CABCOCO1: variants seen among roughly 807,000 people sequenced by gnomAD.
The protein encoded by CABCOCO1 is ciliary associated calcium binding coiled-coil 1.
CABCOCO1 carries 28 observed loss-of-function variants against 35.7 expected under a neutral mutation model. The observed-to-expected ratio is 0.78, with a 90% CI of 0.58 to 1.07. CABCOCO1 has a LOEUF of 1.07. CABCOCO1 is among the 50% of genes least tolerant of loss of function. The pLI is 0.00. For missense variants in CABCOCO1, 326 were observed against 309.2 expected (o/e 1.05, Z -0.41); for synonymous variants, 95 against 100.1 (o/e 0.95, Z 0.30).
chr10:61,751,181 C>T (rs1362540267), intron 5 of CABCOCO1, among the ~76,000 whole-genome samples: 1 of 146,930 alleles, frequency 6.8e-6, no homozygotes, highest in Non-Finnish European at 1.5e-5. Context: ...CCACCCCTTG[C>T]TTTGCTTCGC....
At chr10:61,714,687 G>A (rs557774922) in intron 5 of CABCOCO1, among the ~76,000 whole-genome samples, 1 of 152,262 alleles carries the variant, frequency 6.6e-6, no homozygotes, top group East Asian at 1.9e-4. Flanking sequence ...CTTTAAATGT[G>A]TCCTAGAGAT....
chr10:61,665,648 G>A (rs1839142950), intron 1 of CABCOCO1, among the ~76,000 whole-genome samples: 1 of 152,042 alleles, frequency 6.6e-6, no homozygotes, highest in African/African-American at 2.4e-5. Context: ...AGCACTTTGG[G>A]AGGCCGAGGC....
chr10:61,725,678 C>T (rs1221010220), intron 5 of CABCOCO1, among the ~76,000 whole-genome samples: 1 of 151,978 alleles, frequency 6.6e-6, no homozygotes, highest in East Asian at 1.9e-4. Context: ...TTAATGGGTG[C>T]AGCACACCAA....
intron 5 of CABCOCO1, among the ~76,000 whole-genome samples, chr10:61,752,868 T>G (rs552966047): frequency 6.6e-6 from 1 of 152,320 alleles, no homozygotes; most frequent in East Asian, 1.9e-4. Flanking sequence ...GGGACTGAAG[T>G]GCAGTTCAAT....
chr10:61,754,250 A>G (rs906074172), intron 5 of CABCOCO1, among the ~76,000 whole-genome samples: 1 of 152,170 alleles, frequency 6.6e-6, no homozygotes, highest in African/African-American at 2.4e-5. Context: ...AGTTAGGAAT[A>G]GAGCCAAGTC....
intron 5 of CABCOCO1, among the ~76,000 whole-genome samples, chr10:61,742,916 G>A (rs188516154): frequency 1.1e-3 from 160 of 152,268 alleles, no homozygotes; most frequent in African/African-American, 3.8e-3. Flanking sequence ...AAGGCACTGT[G>A]AGCAAAAATA....
At chr10:61,739,729 T>A in intron 5 of CABCOCO1, among the ~76,000 whole-genome samples, 1 of 151,798 alleles carries the variant, frequency 6.6e-6, no homozygotes, top group East Asian at 1.9e-4. Flanking sequence ...AGGCACGAGG[T>A]CAGGAGATCG....
At chr10:61,760,294 C>T in intron 6 of CABCOCO1, 113 bp downstream of exon 6, 1 of 1,351,662 alleles carries the variant, frequency 7.4e-7, no homozygotes, top group Non-Finnish European at 1.0e-6. Flanking sequence ...TTTTTCCCAA[C>T]CAAATACAAA....
chr10:61,686,242 T>A, intron 4 of CABCOCO1, 57 bp downstream of exon 4: 1 of 1,412,430 alleles, frequency 7.1e-7, no homozygotes, highest in Non-Finnish European at 9.5e-7. Flanking sequence ...GGAAAATGTC[T>A]GTTAAGTAAA....
At chr10:61,742,048 G>C (rs1224684824) in intron 5 of CABCOCO1, among the ~76,000 whole-genome samples, 1 of 152,168 alleles carries the variant, frequency 6.6e-6, no homozygotes, top group Admixed American at 6.5e-5. Context: ...CATGGAACAG[G>C]ATAGTGGCGT....
intron 5 of CABCOCO1, among the ~76,000 whole-genome samples, chr10:61,709,242 C>A (rs909459286): frequency 6.6e-6 from 1 of 152,014 alleles, no homozygotes; most frequent in Non-Finnish European, 1.5e-5. Flanking sequence ...AAAAGAGGCT[C>A]CCCAAATCCT....
chr10:61,761,487 G>A (rs564297259), intron 7 of CABCOCO1, among the ~76,000 whole-genome samples: 12 of 152,146 alleles, frequency 7.9e-5, no homozygotes, highest in South Asian at 2.1e-4. Flanking sequence ...TGAACATGGT[G>A]ATGGCAGCAG....
At chr10:61,668,000 T>C (rs897947915) in intron 1 of CABCOCO1, among the ~76,000 whole-genome samples, 3 of 151,938 alleles carry the variant, frequency 2.0e-5, no homozygotes, top group Non-Finnish European at 4.4e-5. Context: ...CAATATGATT[T>C]TGGCAAATAG....
chr10:61,674,111 T>C (rs962598502), intron 2 of CABCOCO1, among the ~76,000 whole-genome samples: 1 of 152,198 alleles, frequency 6.6e-6, no homozygotes, highest in Middle Eastern at 3.2e-3. Flanking sequence ...TAATATTAAA[T>C]AAAAGGTGTT....
At chr10:61,663,823 A>T (rs1028708089) in intron 1 of CABCOCO1, among the ~76,000 whole-genome samples, 9 of 71,256 alleles carry the variant, frequency 1.3e-4, no homozygotes, top group Non-Finnish European at 2.8e-4. Context: ...GCCAGATATT[A>T]TAAAAAAAAA....
intron 5 of CABCOCO1, among the ~76,000 whole-genome samples, chr10:61,709,953 G>A (rs1486683424): frequency 1.3e-5 from 2 of 151,924 alleles, no homozygotes; most frequent in South Asian, 2.1e-4. Flanking sequence ...GAGGGAGAAC[G>A]ACTTGAATTA....
At chr10:61,722,155 C>T (rs769158814) in intron 5 of CABCOCO1, among the ~76,000 whole-genome samples, 4 of 152,124 alleles carry the variant, frequency 2.6e-5, no homozygotes, top group African/African-American at 4.8e-5. Context: ...TACACACAAA[C>T]TATATCTATA....
intron 5 of CABCOCO1, among the ~76,000 whole-genome samples, chr10:61,738,635 CA>C (rs1280497057): frequency 2.6e-5 from 4 of 151,924 alleles, no homozygotes; most frequent in East Asian, 1.9e-4. Flanking sequence ...TTTGTCTTCT[CA>C]AAAAAATATG....
At chr10:61,693,188 C>A (rs1054270512) in intron 5 of CABCOCO1, among the ~76,000 whole-genome samples, 10 of 152,070 alleles carry the variant, frequency 6.6e-5, no homozygotes, top group African/African-American at 2.4e-4. Flanking sequence ...GAGAATGATA[C>A]TGGGGCTTCA....
Sources: gnomAD v4.1 joint callset for allele counts (sites outside exome capture counted in the v4.1 genomes callset) on GRCh38, gnomAD v4.1.1 for gene constraint, MANE v1.5 for transcripts, NCBI Gene and HGNC (gene_info 2026-07-23, HGNC 2026-07-21) for gene names.